Variants in CHD3 observed in about 807,000 individuals in gnomAD.
CHD3 encodes chromodomain helicase DNA binding protein 3, also known as ATP-dependent chromatin remodeler CHD3.
A neutral mutation model predicts 248.9 loss-of-function variants in CHD3; 52 were observed. That is an observed-to-expected ratio of 0.21 (90% CI 0.17 to 0.26). CHD3 has a LOEUF of 0.26. Among genes scored for constraint, CHD3 ranks in the 10% least tolerant of loss-of-function variants. The pLI, the probability that CHD3 is intolerant of heterozygous loss-of-function variation, is 1.00. For missense variants in CHD3, 1,482 were observed against 2,605.8 expected (o/e 0.57, Z 9.39); for synonymous variants, 985 against 985.2 (o/e 1.00, Z 0.00).
Position 7,907,861 on chromosome 17 carries a change from G to A in CHD3, c.5027-33G>A. Reference sequence around the variant, plus strand: ...TTGGGACCTGGGAGGAGGGTGTCCTGAGGTGTGAGCTTTGACCTGTCTGTC... The same window carrying A: ...TTGGGACCTGGGAGGAGGGTGTCCTAAGGTGTGAGCTTTGACCTGTCTGTC... On this transcript the variant is annotated intron_variant, in intron 33 of 39. Coordinates refer to ENST00000330494, the MANE Select transcript of CHD3 (RefSeq NM_001005273.3). This position sits in a 1 kb window ranked among gnomAD's most constrained non-coding sequence, Gnocchi z 4.3. 6.3e-7 allele frequency: 1 copy of A among 1,598,876 alleles called. No individual in the cohort carries two copies. The highest frequency in any genetic ancestry group is 1.1e-5 in the South Asian group (1 of 89,854).
chr17:7,890,871 A>G, intron 3 of CHD3, 69 bp from the exon 4 acceptor site: 3 of 1,603,958 alleles, frequency 1.9e-6, no homozygotes, highest in Non-Finnish European at 2.6e-6. Flanking sequence ...GGGTAGGTAG[A>G]CAGGCCTGTG....
Position 7,911,130 on chromosome 17 carries a change from A to T in CHD3, c.5881+157A>T, listed in dbSNP as rs1971603641. Among the ~76,000 whole-genome samples the T allele has an allele frequency of 6.6e-6, 1 of 152,008 alleles. No homozygotes were observed. On this transcript the variant is annotated intron_variant, in intron 39 of 39. Coordinates refer to ENST00000330494, the MANE Select transcript of CHD3 (RefSeq NM_001005273.3). The surrounding 1 kb of genome is among the most constrained non-coding windows in gnomAD (Gnocchi z 5.4). ...GTTGTTCTAGGCTGTCCCCCCACCC[A>T]TCCCTTTCTTAACCCCTCTTCAGTC...
Position 7,900,210 on chromosome 17 carries a change from C to G in CHD3, c.2683-80C>G. 1 of 1,586,708 alleles carries G rather than the reference C, an allele frequency of 6.3e-7. No individual in the cohort carries two copies. Among genetic ancestry groups the G allele is most frequent in the Non-Finnish European group, 8.6e-7 (1 of 1,162,504 alleles). On this transcript the variant is annotated intron_variant, in intron 16 of 39. Transcript: ENST00000330494. This position sits in a 1 kb window ranked among gnomAD's most constrained non-coding sequence, Gnocchi z 6.5. ...ATCCTGAGTGAAATGGGAGCTGGGG[C>G]AGGGAAAGGCTGATGCTGTGGGTCG... is the stretch of plus-strand genomic sequence containing the variant.
rs757799585 is a variant in CHD3 at position 7,898,491 on chromosome 17, T to C, written c.2052-5T>C. On this transcript the variant is annotated splice_polypyrimidine_tract_variant and splice_region_variant and intron_variant, in intron 12 of 39. Transcript: ENST00000330494. ...AGGCCTCATTCAGACCCACTCTTTT[T>C]CCAGAGAACTAATTATGGGGGAAGA... 6.2e-7 allele frequency: 1 copy of C among 1,611,200 alleles called. No homozygotes were observed. The highest frequency in any genetic ancestry group is 8.5e-7 in the Non-Finnish European group (1 of 1,177,880).
chr17:7,903,566 C>A lies in CHD3; in HGVS notation c.3727+63C>A. The stretch of plus-strand genomic sequence containing the variant: ...CTGCTCTCTCAGGAGTACTTATCAG[C>A]CCCCTGGGGAGAGAAAAACAACTCT... On this transcript the variant is annotated intron_variant, in intron 23 of 39. Coordinates refer to ENST00000330494, the MANE Select transcript of CHD3 (RefSeq NM_001005273.3). The surrounding 1 kb of genome is among the most constrained non-coding windows in gnomAD (Gnocchi z 6.8). 1.5e-6 allele frequency: 2 copies of A among 1,370,544 alleles called. No homozygotes were observed. Among genetic ancestry groups the A allele is most frequent in the Admixed American group, 2.1e-5 (1 of 48,068 alleles). The allele number at this position is 1,370,544 out of a possible 1,614,324, so 84.9% of individuals were successfully genotyped here.
At chr17:7,902,140 G>GCCAGAC (rs1567859173) in intron 20 of CHD3, among the ~76,000 whole-genome samples, 1 of 152,158 alleles carries the variant, frequency 6.6e-6, no homozygotes, top group African/African-American at 2.4e-5. Flanking sequence ...TGACAAGAGG[G>GCCAGAC]CCAGACGTGG....
rs1459062339 is a variant in CHD3, at chr17:7,900,855, A to G, written c.2982A>G (p.Lys994=). The change falls in exon 19 of 40, where the codon AAA becomes AAG. Residue 994 remains lysine, a synonymous_variant. Transcript: ENST00000330494. This position sits in a 1 kb window ranked among gnomAD's most constrained non-coding sequence, Gnocchi z 6.5. ...ACACCCCTTTCCTGGCCTTTAGGAA[A>G]TACTACAAATACATCCTGACTCGAA... ...VRVELSPMQK[K]YYKYILTRNF... 3.1e-6 allele frequency: 5 copies of G among 1,613,982 alleles called. No homozygotes were observed. Among genetic ancestry groups the G allele is most frequent in the Non-Finnish European group, 4.2e-6 (5 of 1,179,978 alleles).
rs759598225 is a variant in CHD3 at position 7,907,390 on chromosome 17, G to A, written c.4826G>A (p.Arg1609Gln). The A allele has an allele frequency of 1.0e-4, 166 of 1,609,142 alleles. No individual in the cohort carries two copies. Among genetic ancestry groups the A allele is most frequent in the Non-Finnish European group, 1.3e-4 (154 of 1,177,460 alleles). ...APSPAPSLGERLEPRKIPLED... is the reference protein window; with the variant it reads ...APSPAPSLGEQLEPRKIPLED... ...AGCCCAGCCCCATCACTTGGGGAGC[G>A]GCTGGAGCCAAGGAAGATTCCTCTA... Residue 1609 changes from arginine (R) to glutamine (Q), a missense_variant, in exon 32 of 40, where the codon CGG becomes CAG. Arg to Gln is a conservative substitution (Grantham distance 43). This residue lies in a region of CHD3 where 254 missense variants were observed against 266.7 expected (regional missense o/e 0.95). Coordinates refer to ENST00000330494, the MANE Select transcript of CHD3 (RefSeq NM_001005273.3). The surrounding 1 kb of genome is among the most constrained non-coding windows in gnomAD (Gnocchi z 4.3).
chr17:7,886,375 A>G (rs1418528536), upstream of CHD3, among the ~76,000 whole-genome samples: 1 of 152,174 alleles, frequency 6.6e-6, no homozygotes, highest in African/African-American at 2.4e-5. This position sits in a 1 kb window ranked among gnomAD's most constrained non-coding sequence, Gnocchi z 4.2. Flanking sequence ...GGGGAACAGC[A>G]GGGGGACCTC....
In CHD3 at chr17:7,899,589, CTTCT is replaced by C; in HGVS notation, c.2544+49_2544+52del. The C allele has an allele frequency of 6.4e-7, 1 of 1,571,144 alleles. No individual in the cohort carries two copies. Among genetic ancestry groups the C allele is most frequent in the South Asian group, 1.1e-5 (1 of 89,552 alleles). On this transcript the variant is annotated intron_variant, in intron 15 of 39. Transcript: ENST00000330494. The surrounding 1 kb of genome is among the most constrained non-coding windows in gnomAD (Gnocchi z 6.8). Reference sequence around the variant, plus strand: ...TCCTCTGAGACCCTCAAAGCTGTCACTTCTTTTTCTCAGCCAGGAATTCAGTTTC... The same window carrying C: ...TCCTCTGAGACCCTCAAAGCTGTCACTTTTCTCAGCCAGGAATTCAGTTTC...
rs1035418647 is a variant in CHD3 at position 7,905,464 on chromosome 17, G to C, written c.4139-157G>C. On this transcript the variant is annotated intron_variant, in intron 26 of 39. Coordinates refer to ENST00000330494, the MANE Select transcript of CHD3 (RefSeq NM_001005273.3). The surrounding 1 kb of genome is among the most constrained non-coding windows in gnomAD (Gnocchi z 5.8). ...ATGACTGGTTCTTTTAGACTTAGTG[G>C]GTTAGTAGTTCTGAAGTGCTTGGGA... Among the ~76,000 whole-genome samples, 1 of 152,136 alleles carries C rather than the reference G, an allele frequency of 6.6e-6. No homozygotes were observed. The highest frequency in any genetic ancestry group is 2.4e-5 in the African/African-American group (1 of 41,416).
chr17:7,902,023 C>G (rs1970380390), intron 20 of CHD3, among the ~76,000 whole-genome samples: 1 of 152,168 alleles, frequency 6.6e-6, no homozygotes, highest in African/African-American at 2.4e-5. Context: ...CATACAATGA[C>G]ACAATTTTGT....
In CHD3 at chr17:7,903,755, G is replaced by A; in HGVS notation, c.3728-70G>A. 1.3e-6 allele frequency: 2 copies of A among 1,540,336 alleles called. No homozygotes were observed. The highest frequency in any genetic ancestry group is 1.2e-5 in the South Asian group (1 of 85,988). On this transcript the variant is annotated intron_variant, in intron 23 of 39. Transcript: ENST00000330494. The surrounding 1 kb of genome is among the most constrained non-coding windows in gnomAD (Gnocchi z 6.8). The stretch of plus-strand genomic sequence containing the variant: ...AGGGCTCCTGTGAAAAGGACGCAGA[G>A]TAGAAGCTTTCCCATCAGCCTTTCT...
At position 7,909,124 on chromosome 17, in the gene CHD3, C is replaced by T. The variant is rs1349507483; in HGVS notation, c.5395-19C>T. The T allele has an allele frequency of 6.4e-7, 1 of 1,552,134 alleles. No individual in the cohort carries two copies. Among genetic ancestry groups the T allele is most frequent in the African/African-American group, 1.4e-5 (1 of 73,268 alleles). On this transcript the variant is annotated intron_variant, in intron 36 of 39. Coordinates refer to ENST00000330494, the MANE Select transcript of CHD3 (RefSeq NM_001005273.3). The surrounding 1 kb of genome is among the most constrained non-coding windows in gnomAD (Gnocchi z 8.1). ...TGCTGGCAGAGCCCTACCTTCACCT[C>T]CCAACTCTGTGCCCTCAGCTCCTGG...
intron 4 of CHD3, among the ~76,000 whole-genome samples, chr17:7,891,787 G>C (rs1968897877): frequency 6.7e-6 from 1 of 149,672 alleles, no homozygotes; most frequent in Non-Finnish European, 1.5e-5. Flanking sequence ...CTTGAACCCG[G>C]GAGGCAAAGG....
chr17:7,894,027 C>T lies in CHD3; in HGVS notation c.925-88C>T, dbSNP rs531443908. 538 of 1,594,532 alleles carry T rather than the reference C, an allele frequency of 3.4e-4. 9 individuals are homozygous for T. In the South Asian group the frequency reaches 5.0e-3, roughly 15 times the overall value. ...GGCCAAGGATCCAGAGACAGGGATC[C>T]GTGAGGGATGGCGGAACAGGAAGCC... On this transcript the variant is annotated intron_variant, in intron 6 of 39. Coordinates refer to ENST00000330494, the MANE Select transcript of CHD3 (RefSeq NM_001005273.3).
chr17:7,904,120 G>A lies in CHD3; in HGVS notation c.3894+129G>A, dbSNP rs117032670. 10,099 of 933,812 alleles carry A rather than the reference G, an allele frequency of 0.011. 71 individuals carry two copies. Among genetic ancestry groups the A allele is most frequent in the Non-Finnish European group, 0.014 (8,590 of 622,420 alleles). The allele number at this position is 933,812 out of a possible 1,614,324, so 57.8% of individuals were successfully genotyped here. A position where few individuals can be genotyped will look rare whatever the true frequency, so the allele number is the denominator to read the frequency against. On this transcript the variant is annotated intron_variant, in intron 24 of 39. Transcript: ENST00000330494. This position sits in a 1 kb window ranked among gnomAD's most constrained non-coding sequence, Gnocchi z 4.4. ...GTAGTGGACCTCAAACAACTTCTTC[G>A]TCTAATAGGTGAGACTGGACTTCAG...
In CHD3 at chr17:7,909,143, C is replaced by T; in HGVS notation, c.5395C>T (p.Leu1799Phe). 6.4e-7 allele frequency: 1 copy of T among 1,555,388 alleles called. No individual in the cohort carries two copies. Among genetic ancestry groups the T allele is most frequent in the South Asian group, 1.2e-5 (1 of 84,522 alleles). Residue 1799 changes from leucine to phenylalanine, a missense_variant and splice_region_variant, in exon 37 of 40, where the codon CTC (leucine) becomes TTC (phenylalanine). Leu to Phe is a conservative substitution (Grantham distance 22, BLOSUM62 0). This residue lies in a region of CHD3 where 83 missense variants were observed against 181.0 expected (regional missense o/e 0.46). Transcript: ENST00000330494. This position sits in a 1 kb window ranked among gnomAD's most constrained non-coding sequence, Gnocchi z 8.1. ...TCACCTCCCAACTCTGTGCCCTCAG[C>T]TCCTGGAGCAGGCGCTGGTGATTGA... ...KNKFLARRFK[L>F]LEQALVIEEQ...
rs750291146 is a variant in CHD3, at chr17:7,893,815, T to C, written c.804T>C (p.His268=). 2.5e-6 allele frequency: 4 copies of C among 1,613,976 alleles called. No homozygotes were observed. In the Admixed American group the frequency reaches 5.0e-5, roughly 20 times the overall value. The change falls in exon 6 of 40, where the codon CAT becomes CAC. Residue 268 remains histidine, a synonymous_variant. Coordinates refer to ENST00000330494, the MANE Select transcript of CHD3 (RefSeq NM_001005273.3). ...AKTKEGKGPG[H]KRRSKSPRVP... The stretch of plus-strand genomic sequence containing the variant: ...CGACTCCTCATTCAGGTCCAGGCCA[T>C]AAGAGGCGGAGTAAGAGCCCCCGAG...
Sources: allele counts gnomAD v4.1 joint callset (sites outside exome capture counted in the v4.1 genomes callset), GRCh38; gene constraint gnomAD v4.1.1; regional missense constraint gnomAD v4.1.1; non-coding constraint Gnocchi (gnomAD v3.1); transcripts MANE v1.5; gene names NCBI Gene and HGNC (gene_info 2026-07-23, HGNC 2026-07-21).